Variants in ZFAND3 observed in about 807,000 individuals in gnomAD.
The protein encoded by ZFAND3 is zinc finger AN1-type containing 3.
ZFAND3 carries 10 observed loss-of-function variants against 29.6 expected under a neutral mutation model. That is an observed-to-expected ratio of 0.34 (90% CI 0.21 to 0.57). The LOEUF is 0.57. Among genes scored for constraint, ZFAND3 ranks in the 20% least tolerant of loss-of-function variants. The probability of loss-of-function intolerance (pLI) is 0.86; values close to 1 mark genes in which losing one functional copy is unlikely to be tolerated. For missense variants in ZFAND3, 230 were observed against 304.5 expected, an observed-to-expected ratio of 0.76 and a Z score of 1.82; for synonymous variants, 128 against 112.6, an observed-to-expected ratio of 1.14 and a Z score of -0.87.
At chr6:37,971,328 C>T (rs1040807277) in intron 2 of ZFAND3, among the ~76,000 whole-genome samples, 3 of 152,066 alleles carry the variant, frequency 2.0e-5, no homozygotes, top group Admixed American at 6.5e-5. Flanking sequence ...TCTTTGCAGG[C>T]GAATGAGTCC....
At chr6:37,971,831 GA>G (rs5875604) in intron 2 of ZFAND3, among the ~76,000 whole-genome samples, 55,226 of 117,610 alleles carry the variant, frequency 0.47, 11,596 homozygotes, top group Non-Finnish European at 0.51. Context: ...TGTACAAAAT[GA>G]AAAAAAAAAA....
At chr6:38,132,593 T>TG (rs1765763590) in intron 5 of ZFAND3, among the ~76,000 whole-genome samples, 1 of 152,126 alleles carries the variant, frequency 6.6e-6, no homozygotes, top group African/African-American at 2.4e-5. Context: ...CTAACAAACT[T>TG]GCGATTCCTT....
chr6:38,118,313 A>G (rs1003774714), intron 5 of ZFAND3, among the ~76,000 whole-genome samples: 3 of 151,988 alleles, frequency 2.0e-5, no homozygotes, highest in African/African-American at 7.3e-5. Context: ...GCTTCGCTCC[A>G]CTCTGCAGAG....
intron 5 of ZFAND3, among the ~76,000 whole-genome samples, chr6:38,144,231 A>ATTTTTTTTTT (rs67159019): frequency 2.7e-5 from 2 of 75,282 alleles, no homozygotes; most frequent in East Asian, 8.3e-4. Context: ...ATATATATAT[A>ATTTTTTTTTT]TTTTTTTTTT....
chr6:37,982,684 T>C (rs1762600183), intron 2 of ZFAND3, among the ~76,000 whole-genome samples: 1 of 152,192 alleles, frequency 6.6e-6, no homozygotes, highest in Non-Finnish European at 1.5e-5. Context: ...TGACAAGAAA[T>C]GACTATGTTA....
intron 2 of ZFAND3, chr6:38,002,859 T>C (rs1199314025): frequency 6.6e-6 from 1 of 152,214 alleles, no homozygotes; most frequent in African/African-American, 2.4e-5. Flanking sequence ...GCAGATTCGC[T>C]GGCTTCATCT....
chr6:38,153,649 G>C lies in ZFAND3; in HGVS notation c.*1260G>C. On this transcript the variant is annotated 3_prime_UTR_variant, in exon 6 of 6. Transcript: ENST00000287218. The stretch of plus-strand genomic sequence containing the variant: ...ATGTTCACAGAGGATTTCAGCAGCT[G>C]CAACTGCGCACGCCAGGTGGGGAAG... The C allele has an allele frequency of 1.0e-6, 1 of 985,380 alleles. No individual in the cohort carries two copies. The allele number at this position is 985,380 out of a possible 1,614,324, so 61.0% of individuals were successfully genotyped here.
At chr6:38,125,787 G>GT (rs1206107658) in intron 5 of ZFAND3, among the ~76,000 whole-genome samples, 1 of 152,136 alleles carries the variant, frequency 6.6e-6, no homozygotes. Flanking sequence ...GTAGTAAATA[G>GT]TTTTAGTTAA....
chr6:37,992,087 G>A (rs895545852), intron 2 of ZFAND3, among the ~76,000 whole-genome samples: 6 of 151,966 alleles, frequency 3.9e-5, no homozygotes, highest in Admixed American at 6.6e-5. Context: ...AAATTGATTG[G>A]GACTTTTCTT....
intron 1 of ZFAND3, among the ~76,000 whole-genome samples, chr6:37,873,220 G>A (rs570662640): frequency 2.6e-5 from 4 of 152,334 alleles, no homozygotes; most frequent in Non-Finnish European, 4.4e-5. Flanking sequence ...GCGGTGAGCC[G>A]AGATCACGCC....
intron 2 of ZFAND3, chr6:38,003,801 T>C: frequency 2.2e-6 from 1 of 451,544 alleles, no homozygotes; most frequent in Non-Finnish European, 4.5e-6. Context: ...CTACAGTGCC[T>C]GGCTAGTCCA....
intron 2 of ZFAND3, chr6:38,003,706 A>G (rs1365861624): frequency 1.5e-5 from 5 of 330,752 alleles, no homozygotes; most frequent in Non-Finnish European, 3.0e-5. Context: ...GGGTTTTGCC[A>G]TGTTGACCAG....
intron 5 of ZFAND3, among the ~76,000 whole-genome samples, chr6:38,129,218 A>G (rs780168873): frequency 2.6e-5 from 4 of 151,988 alleles, no homozygotes; most frequent in Non-Finnish European, 5.9e-5. Flanking sequence ...TAGATTCTGG[A>G]TATTAGTCCT....
intron 2 of ZFAND3, among the ~76,000 whole-genome samples, chr6:38,035,259 T>C (rs749933961): frequency 6.6e-6 from 1 of 152,188 alleles, no homozygotes; most frequent in Non-Finnish European, 1.5e-5. Context: ...ACATCCCGAA[T>C]CTTCTATTAT....
At chr6:38,111,978 A>G (rs903882562) in intron 4 of ZFAND3, among the ~76,000 whole-genome samples, 4 of 152,224 alleles carry the variant, frequency 2.6e-5, no homozygotes, top group African/African-American at 9.7e-5. Flanking sequence ...TCTCCCTTGG[A>G]TACCGAGAGA....
rs773609856 is a variant in ZFAND3 at position 38,154,417 on chromosome 6, CTGT to C, written c.*2029_*2031del. On this transcript the variant is annotated 3_prime_UTR_variant, in exon 6 of 6. Transcript: ENST00000287218. ...GGCTTGTTCCCCTGCAGTATCTGTT[CTGT>C]GAAGTTTGTTAAATGTAAGGAAAGC... The C allele has an allele frequency of 5.1e-6, 5 of 985,416 alleles. No homozygotes were observed. The highest frequency in any genetic ancestry group is 6.0e-6 in the Non-Finnish European group (5 of 829,584). The allele number at this position is 985,416 out of a possible 1,614,324, so 61.0% of individuals were successfully genotyped here.
chr6:38,061,333 T>C (rs1764234981), intron 2 of ZFAND3, among the ~76,000 whole-genome samples: 1 of 152,234 alleles, frequency 6.6e-6, no homozygotes, highest in East Asian at 1.9e-4. Flanking sequence ...ACATGCGTCT[T>C]TGGCTTTGCA....
chr6:38,099,909 A>G (rs1431426828), intron 4 of ZFAND3, among the ~76,000 whole-genome samples: 1 of 152,230 alleles, frequency 6.6e-6, no homozygotes, highest in East Asian at 1.9e-4. Flanking sequence ...AGCTGTATGC[A>G]GGGAGAGAAC....
At chr6:38,077,804 T>C (rs1166731363) in intron 3 of ZFAND3, among the ~76,000 whole-genome samples, 1 of 152,210 alleles carries the variant, frequency 6.6e-6, no homozygotes. Flanking sequence ...GGATTTTGAG[T>C]GCGTGAAAGG....
Sources: gnomAD v4.1 joint callset for allele counts (sites outside exome capture counted in the v4.1 genomes callset) on GRCh38, gnomAD v4.1.1 for gene constraint, MANE v1.5 for transcripts, NCBI Gene and HGNC (gene_info 2026-07-23, HGNC 2026-07-21) for gene names.